SCN9A: variants seen among roughly 807,000 people sequenced by gnomAD.
SCN9A encodes the protein sodium voltage-gated channel alpha subunit 9.
SCN9A carries 131 observed loss-of-function variants against 187.0 expected under a neutral mutation model. That is an observed-to-expected ratio of 0.70 (90% CI 0.61 to 0.81). The LOEUF is 0.81. SCN9A is among the 30% of genes least tolerant of loss of function. The probability of loss-of-function intolerance (pLI) is 0.00; values close to 1 mark genes in which losing one functional copy is unlikely to be tolerated. For synonymous variants in SCN9A, 809 were observed against 808.6 expected (o/e 1.00, Z -0.01); for missense variants, 2,252 against 2,396.6 (o/e 0.94, Z 1.26).
intron 17 of SCN9A, among the ~76,000 whole-genome samples, chr2:166,270,753 C>A (rs944331466): frequency 1.6e-5 from 2 of 128,470 alleles, no homozygotes; most frequent in Non-Finnish European, 3.3e-5. Flanking sequence ...GCCTCCTGAG[C>A]ATTTTACTGA....
rs1696073358 is a variant in SCN9A, at chr2:166,252,158, A to G, written c.3352-273T>C. ...CGTGGCCAAAATTAGATAAGGTAAT[A>G]TATTGATGTTAACTATCACTTTTGG... is the stretch of plus-strand genomic sequence containing the variant. On this transcript the variant is annotated intron_variant, in intron 17 of 26. Transcript: ENST00000642356. 1.3e-5 allele frequency among the ~76,000 whole-genome samples: 2 copies of G among 152,012 alleles called. 1 individual carries two copies. The highest frequency in any genetic ancestry group is 1.3e-4 in the Admixed American group (2 of 15,216).
intron 16 of SCN9A, among the ~76,000 whole-genome samples, chr2:166,274,246 T>TATTA (rs1259476261): frequency 5.3e-5 from 8 of 152,256 alleles, no homozygotes; most frequent in African/African-American, 1.4e-4. Flanking sequence ...AAGTCTCTAA[T>TATTA]ATTTCTATAA....
At chr2:166,244,553 G>A (rs200809177) in intron 18 of SCN9A, among the ~76,000 whole-genome samples, 14 of 151,862 alleles carry the variant, frequency 9.2e-5, no homozygotes, top group Non-Finnish European at 1.5e-4. Flanking sequence ...TGTCTATTCC[G>A]TTTGAATAGC....
Position 166,195,514 on chromosome 2 carries a change from G to A in SCN9A, c.*3158C>T, listed in dbSNP as rs1273661308. The A allele has an allele frequency of 2.0e-5, 3 of 152,074 alleles. No homozygotes were observed. Among genetic ancestry groups the A allele is most frequent in the African/African-American group, 7.2e-5 (3 of 41,408 alleles). 9.4% of individuals were successfully genotyped at this position (152,074 alleles called of 1,614,324 possible). A position where few individuals can be genotyped will look rare whatever the true frequency, so the allele number is the denominator to read the frequency against. ...CCTAATTTAGTTGGCCCTTCTTTCA[G>A]CACTTCTATTAACATTTCTCTGAAA... On this transcript the variant is annotated 3_prime_UTR_variant, in exon 27 of 27. Transcript: ENST00000642356.
Position 166,306,529 on chromosome 2 carries a change from C to T in SCN9A, c.448G>A (p.Asp150Asn). ...CIFMTMNNPPDWTKNVEYTFT... is the reference protein window; with the variant it reads ...CIFMTMNNPPNWTKNVEYTFT... Reference sequence around the variant, plus strand: ...ACTTACTCGACATTTTTGGTCCAGTCCGGTGGGTTATTCATGGTCATAAAT... The same window carrying T: ...ACTTACTCGACATTTTTGGTCCAGTTCGGTGGGTTATTCATGGTCATAAAT... Residue 150 changes from aspartate to asparagine, a missense_variant, in exon 4 of 27, where the codon GAC becomes AAC. Around this residue, in one of 7 missense-constraint regions of SCN9A, gnomAD observed 1,013 missense variants for 997.4 expected, o/e 1.02. Coordinates refer to ENST00000642356, the MANE Select transcript of SCN9A (RefSeq NM_001365536.1). 3 of 1,570,994 alleles carry T rather than the reference C, an allele frequency of 1.9e-6. No homozygotes were observed. Among genetic ancestry groups the T allele is most frequent in the Non-Finnish European group, 2.6e-6 (3 of 1,153,078 alleles).
intron 1 of SCN9A, among the ~76,000 whole-genome samples, chr2:166,330,901 C>T (rs1407284180): frequency 6.6e-6 from 1 of 152,032 alleles, no homozygotes; most frequent in African/African-American, 2.4e-5. Flanking sequence ...TGTCACTGGC[C>T]CAGGGGATGG....
intron 13 of SCN9A, among the ~76,000 whole-genome samples, chr2:166,280,888 C>A (rs1697455562): frequency 6.6e-6 from 1 of 152,140 alleles, no homozygotes; most frequent in Non-Finnish European, 1.5e-5. Flanking sequence ...AACAGGAGAA[C>A]TATGTTTCCT....
At chr2:166,281,621 C>A in intron 13 of SCN9A, 58 bp downstream of exon 13, 1 of 1,524,458 alleles carries the variant, frequency 6.6e-7, no homozygotes, top group African/African-American at 1.4e-5. Context: ...TTAAGGTTGA[C>A]CAGATTTATG....
At chr2:166,355,102 TA>T (rs1459196699) in intron 1 of SCN9A, among the ~76,000 whole-genome samples, 2 of 139,828 alleles carry the variant, frequency 1.4e-5, no homozygotes, top group Non-Finnish European at 3.0e-5. Context: ...TATGTCTGGC[TA>T]ATTTTTTTTT....
intron 8 of SCN9A, among the ~76,000 whole-genome samples, 200 bp from the exon 9 acceptor site, chr2:166,293,572 T>C (rs1698174745): frequency 6.6e-6 from 1 of 152,202 alleles, no homozygotes. Flanking sequence ...GAAAATAGGA[T>C]AATAACATCT....
intron 2 of SCN9A, among the ~76,000 whole-genome samples, chr2:166,307,649 T>A (rs1698802619): frequency 6.6e-6 from 1 of 152,198 alleles, no homozygotes; most frequent in Non-Finnish European, 1.5e-5. Context: ...TATTAGCTTT[T>A]AAAAGGGACT....
At chr2:166,338,669 T>G (rs965042825) in intron 1 of SCN9A, among the ~76,000 whole-genome samples, 1 of 152,166 alleles carries the variant, frequency 6.6e-6, no homozygotes, top group Admixed American at 6.6e-5. Context: ...ACATCATTTT[T>G]TATTGCATTT....
At chr2:166,226,278 C>G (rs1472898672) in intron 24 of SCN9A, among the ~76,000 whole-genome samples, 2 of 152,192 alleles carry the variant, frequency 1.3e-5, no homozygotes, top group East Asian at 3.9e-4. Context: ...ATTCAATCCT[C>G]TATAGGAAAC....
chr2:166,316,068 A>G (rs6736291), intron 1 of SCN9A, among the ~76,000 whole-genome samples: 96,836 of 152,052 alleles, frequency 0.64, 31,489 homozygotes, highest in African/African-American at 0.75. Flanking sequence ...ATTTAATCTC[A>G]TAACAATGAA....
At chr2:166,336,694 T>C (rs1359929090) in intron 1 of SCN9A, among the ~76,000 whole-genome samples, 1 of 152,112 alleles carries the variant, frequency 6.6e-6, no homozygotes, top group African/African-American at 2.4e-5. Flanking sequence ...TTTAGTTCTA[T>C]ATCTTCTGAG....
rs748598306 is a variant in SCN9A, at chr2:166,281,667, A to T, written c.2104+12T>A. ...TTAAGAATCTGTACAGTAAAAGAAG[A>T]TTATTACATACCTTCCACAGTGTTT... is the stretch of plus-strand genomic sequence containing the variant. On this transcript the variant is annotated intron_variant, in intron 13 of 26. Coordinates refer to ENST00000642356, the MANE Select transcript of SCN9A (RefSeq NM_001365536.1). 6.2e-7 allele frequency: 1 copy of T among 1,610,452 alleles called. No homozygotes were observed. Among genetic ancestry groups the T allele is most frequent in the Non-Finnish European group, 8.5e-7 (1 of 1,178,018 alleles).
intron 17 of SCN9A, among the ~76,000 whole-genome samples, chr2:166,255,384 G>A (rs902847732): frequency 1.3e-5 from 2 of 151,440 alleles, no homozygotes; most frequent in African/African-American, 4.8e-5. Flanking sequence ...ATTAGAACAT[G>A]TCCTAAGTTG....
At chr2:166,264,922 T>A (rs1375125077) in intron 17 of SCN9A, among the ~76,000 whole-genome samples, 1 of 151,970 alleles carries the variant, frequency 6.6e-6, no homozygotes, top group Non-Finnish European at 1.5e-5. Context: ...GTTGGCATCA[T>A]TTATTTTAAA....
At chr2:166,242,032 T>C (rs1299996472) in intron 19 of SCN9A, among the ~76,000 whole-genome samples, 1 of 152,158 alleles carries the variant, frequency 6.6e-6, no homozygotes, top group Non-Finnish European at 1.5e-5. Context: ...AGGAAACCTG[T>C]TACACTCTAG....
Sources: gnomAD v4.1 joint callset for allele counts (sites outside exome capture counted in the v4.1 genomes callset) on GRCh38, gnomAD v4.1.1 for gene constraint, gnomAD v4.1.1 regional missense constraint, MANE v1.5 for transcripts, NCBI Gene and HGNC (gene_info 2026-07-23, HGNC 2026-07-21) for gene names.